ZC2HC1A: variants seen among roughly 807,000 people sequenced by gnomAD.
ZC2HC1A encodes zinc finger C2HC-type containing 1A.
A neutral mutation model predicts 40.7 loss-of-function variants in ZC2HC1A; 28 were observed. The observed-to-expected ratio is 0.69, with a 90% confidence interval of 0.51 to 0.94. ZC2HC1A has a LOEUF of 0.94. Ranked by LOEUF, ZC2HC1A falls within the 40% of genes least tolerant of loss-of-function variation. The pLI is 0.00. For missense variants in ZC2HC1A, 389 were observed against 386.3 expected (o/e 1.01, Z -0.06); for synonymous variants, 129 against 129.2 (o/e 1.00, Z 0.01).
chr8:78,667,169 A>G (rs1809324421), intron 1 of ZC2HC1A, among the ~76,000 whole-genome samples: 1 of 152,180 alleles, frequency 6.6e-6, no homozygotes. Context: ...TGAAGTGCAA[A>G]GTGGTAGCCG....
At chr8:78,716,304 T>A (rs536508273) in intron 8 of ZC2HC1A, among the ~76,000 whole-genome samples, 5 of 151,584 alleles carry the variant, frequency 3.3e-5, no homozygotes, top group African/African-American at 1.2e-4. Flanking sequence ...TTTGTATTTT[T>A]ATTAGAGACG....
rs1036349995 is a variant in ZC2HC1A, at chr8:78,715,390, G to A, written c.812+62G>A. 5.6e-6 allele frequency: 8 copies of A among 1,430,854 alleles called. No individual in the cohort carries two copies. The Admixed American group carries it at 1.4e-4, about 25-fold the overall frequency. 88.6% of individuals were successfully genotyped at this position (1,430,854 alleles called of 1,614,324 possible). On this transcript the variant is annotated intron_variant, in intron 8 of 8. Coordinates refer to ENST00000263849, the MANE Select transcript of ZC2HC1A (RefSeq NM_016010.3). ...AATTGAGTATATGATAGTTTTCCAA[G>A]GACCATACACAAAAGTAAGTAACAA...
chr8:78,705,257 C>G (rs1420907758), intron 7 of ZC2HC1A, among the ~76,000 whole-genome samples: 1 of 152,158 alleles, frequency 6.6e-6, no homozygotes, highest in Non-Finnish European at 1.5e-5. Flanking sequence ...GTGAGCTTAC[C>G]TAACTTCAGT....
rs535863226 is a variant in ZC2HC1A at position 78,666,371 on chromosome 8, C to T, written c.16+207C>T. Among the ~76,000 whole-genome samples the T allele has an allele frequency of 4.5e-3, 693 of 152,350 alleles. 10 individuals carry two copies. Among genetic ancestry groups the T allele is most frequent in the African/African-American group, 0.016 (669 of 41,586 alleles). Reference sequence around the variant, plus strand: ...CGCTACCAGGCTGCCCCGCCTCAGACGGTCTTCAACTGGGCTTTCCCGCCC... The same window carrying T: ...CGCTACCAGGCTGCCCCGCCTCAGATGGTCTTCAACTGGGCTTTCCCGCCC... On this transcript the variant is annotated intron_variant, in intron 1 of 8. Transcript: ENST00000263849.
At chr8:78,713,108 G>A (rs1414187879) in intron 7 of ZC2HC1A, among the ~76,000 whole-genome samples, 1 of 152,116 alleles carries the variant, frequency 6.6e-6, no homozygotes, top group Non-Finnish European at 1.5e-5. Flanking sequence ...GATGGATTAA[G>A]TACAATTCCA....
At chr8:78,696,583 A>ATGTCTTTTT (rs1810422624) in intron 5 of ZC2HC1A, among the ~76,000 whole-genome samples, 1 of 152,214 alleles carries the variant, frequency 6.6e-6, no homozygotes. Flanking sequence ...AAGAGAAAGT[A>ATGTCTTTTT]AAATAAAATT....
rs1163740902 is a variant in ZC2HC1A, at chr8:78,697,462, C to G, written c.560C>G (p.Ser187Cys). The G allele has an allele frequency of 6.2e-6, 10 of 1,610,728 alleles. No individual in the cohort carries two copies. The highest frequency in any genetic ancestry group is 5.1e-5 in the Admixed American group (3 of 58,720). ...TCTCCTGGAACTGCATCATCAGGAT[C>G]TTCACGATTACCGCAGCCAAGTGGC... ...SNSPGTASSGSSRLPQPSGAG... is the reference protein window; with the variant it reads ...SNSPGTASSGCSRLPQPSGAG... The change falls in exon 6 of 9, where the codon TCT becomes TGT. Residue 187 changes from serine (S) to cysteine (C), a missense_variant. Ser to Cys is a moderately radical substitution (Grantham distance 112, BLOSUM62 -1). Coordinates refer to ENST00000263849, the MANE Select transcript of ZC2HC1A (RefSeq NM_016010.3).
chr8:78,680,331 T>C, intron 3 of ZC2HC1A, among the ~76,000 whole-genome samples: 1 of 146,180 alleles, frequency 6.8e-6, no homozygotes, highest in East Asian at 2.0e-4. Flanking sequence ...GTAAAAACCA[T>C]TGCTTTGTAT....
At chr8:78,697,262 A>T in intron 5 of ZC2HC1A, 145 bp from the exon 6 acceptor site, 1 of 617,776 alleles carries the variant, frequency 1.6e-6, no homozygotes. Flanking sequence ...ATGATGTGCA[A>T]CCATCATCAC....
At chr8:78,707,168 G>A (rs1381349129) in intron 7 of ZC2HC1A, among the ~76,000 whole-genome samples, 1 of 152,126 alleles carries the variant, frequency 6.6e-6, no homozygotes, top group Admixed American at 6.5e-5. Flanking sequence ...CTCCATGTTA[G>A]GTAACAATAT....
chr8:78,682,903 C>G (rs1356155601), intron 3 of ZC2HC1A, among the ~76,000 whole-genome samples: 1 of 152,104 alleles, frequency 6.6e-6, no homozygotes, highest in Non-Finnish European at 1.5e-5. Flanking sequence ...AGAAATGGGC[C>G]AAAACAAAGG....
At position 78,678,689 on chromosome 8, in the gene ZC2HC1A, T is replaced by C. The variant is rs375214803; in HGVS notation, c.210+10T>C. On this transcript the variant is annotated intron_variant, in intron 3 of 8. Transcript: ENST00000263849. ...ACCTCTCAAACCGAGGGTAACTATA[T>C]AACCTTTTGAACAGTATGAACTTTG... 8.2e-6 allele frequency: 13 copies of C among 1,588,978 alleles called. No individual in the cohort carries two copies. The highest frequency in any genetic ancestry group is 1.1e-5 in the Non-Finnish European group (13 of 1,166,002).
At chr8:78,667,625 A>G (rs1011212584) in intron 1 of ZC2HC1A, among the ~76,000 whole-genome samples, 14 of 152,300 alleles carry the variant, frequency 9.2e-5, no homozygotes, top group Admixed American at 4.6e-4. Flanking sequence ...AATGTCTGAC[A>G]CAAAGTAGGT....
intron 3 of ZC2HC1A, among the ~76,000 whole-genome samples, chr8:78,681,097 CTCATAGGA>C (rs1441257111): frequency 6.7e-6 from 1 of 149,974 alleles, no homozygotes; most frequent in African/African-American, 2.5e-5. Context: ...TGAAGTGGTT[CTCATAGGA>C]TCTGAGGGAA....
chr8:78,705,080 A>G (rs966461211), intron 7 of ZC2HC1A, among the ~76,000 whole-genome samples: 1 of 152,144 alleles, frequency 6.6e-6, no homozygotes, highest in African/African-American at 2.4e-5. Flanking sequence ...TCCTGTCCGT[A>G]TCCTGAATTC....
chr8:78,717,760 A>G lies in ZC2HC1A; in HGVS notation c.*267A>G, dbSNP rs1811151575. On this transcript the variant is annotated 3_prime_UTR_variant, in exon 9 of 9. Transcript: ENST00000263849. ...TCAGAAAATAATTTCAAATGGAACA[A>G]TTAATTTAGGTGTTACTTTTCTGTT... The G allele has an allele frequency of 8.4e-6, 2 of 238,224 alleles. No individual in the cohort carries two copies. Among genetic ancestry groups the G allele is most frequent in the Non-Finnish European group, 8.1e-6 (1 of 123,430 alleles). The allele number at this position is 238,224 out of a possible 1,614,324, so 14.8% of individuals were successfully genotyped here.
intron 5 of ZC2HC1A, among the ~76,000 whole-genome samples, chr8:78,691,808 A>G (rs1810221612): frequency 6.6e-6 from 1 of 151,908 alleles, no homozygotes; most frequent in Admixed American, 6.6e-5. Flanking sequence ...GGTTTGTGCT[A>G]TTGTTTCATA....
At chr8:78,692,981 G>A (rs1158003846) in intron 5 of ZC2HC1A, among the ~76,000 whole-genome samples, 1 of 152,000 alleles carries the variant, frequency 6.6e-6, no homozygotes, top group Non-Finnish European at 1.5e-5. Context: ...AACATGCGGT[G>A]TTTGGTTTTT....
chr8:78,699,673 T>C (rs1181070515), intron 7 of ZC2HC1A, among the ~76,000 whole-genome samples: 1 of 152,132 alleles, frequency 6.6e-6, no homozygotes, highest in Non-Finnish European at 1.5e-5. Flanking sequence ...TATGTGTCCA[T>C]GTAGTCTCAT....
Sources: gnomAD v4.1 joint callset for allele counts (sites outside exome capture counted in the v4.1 genomes callset) on GRCh38, gnomAD v4.1.1 for gene constraint, MANE v1.5 for transcripts, NCBI Gene and HGNC (gene_info 2026-07-23, HGNC 2026-07-21) for gene names.